The following SHTN1 variants were observed in gnomAD, a reference collection of about 807,000 sequenced individuals.
The protein encoded by SHTN1 is shootin 1, also known as shootin-1.
SHTN1 carries 42 observed loss-of-function variants against 83.1 expected under a neutral mutation model. The observed-to-expected ratio is 0.51, with a 90% CI of 0.39 to 0.65. SHTN1 has a LOEUF of 0.65. Among genes scored for constraint, SHTN1 ranks in the 30% least tolerant of loss-of-function variants. The pLI, the probability that SHTN1 is intolerant of heterozygous loss-of-function variation, is 0.00. For synonymous variants in SHTN1, 224 were observed against 247.7 expected (o/e 0.90, Z 0.90); for missense variants, 622 against 737.8 (o/e 0.84, Z 1.82).
At chr10:116,980,321 C>CT (rs554170276) in intron 1 of SHTN1, among the ~76,000 whole-genome samples, 191 of 152,202 alleles carry the variant, frequency 1.3e-3, no homozygotes, top group African/African-American at 4.4e-3. Context: ...GAGACAGGGT[C>CT]TTGTTCTGTC....
intron 8 of SHTN1, among the ~76,000 whole-genome samples, chr10:116,943,558 AAGTAATAAG>A (rs1249658055): frequency 6.6e-6 from 1 of 152,092 alleles, no homozygotes; most frequent in Non-Finnish European, 1.5e-5. Flanking sequence ...TCTTTCTTCC[AAGTAATAAG>A]AGAAAAATAT....
chr10:116,994,418 A>G (rs1851554615), intron 1 of SHTN1, among the ~76,000 whole-genome samples: 2 of 152,124 alleles, frequency 1.3e-5, no homozygotes, highest in Admixed American at 1.3e-4. Context: ...ATATAAAACT[A>G]AAATTTGGTC....
chr10:116,881,548 A>T lies in SHTN1; in HGVS notation c.*4796T>A, dbSNP rs1174903921. 1.3e-6 allele frequency: 2 copies of T among 1,546,916 alleles called. No individual in the cohort carries two copies. The highest frequency in any genetic ancestry group is 2.0e-5 in the Admixed American group (1 of 49,938). Reference sequence around the variant, plus strand: ...GAAGAACACACTTTTTTTTACTTTAATGAGGAAGCTGAAAAGGCTGCGGAG... The same window carrying T: ...GAAGAACACACTTTTTTTTACTTTATTGAGGAAGCTGAAAAGGCTGCGGAG... On this transcript the variant is annotated 3_prime_UTR_variant, in exon 17 of 17. Transcript: ENST00000355371.
chr10:117,071,096 T>A (rs1435402145), intron 1 of SHTN1, among the ~76,000 whole-genome samples: 3 of 152,200 alleles, frequency 2.0e-5, no homozygotes, highest in Non-Finnish European at 4.4e-5. Flanking sequence ...GCAATTATCT[T>A]ACATGAATAA....
At position 116,983,686 on chromosome 10, in the gene SHTN1, A is replaced by AC. The variant is rs1851123903; in HGVS notation, c.59-4379_59-4378insG. On this transcript the variant is annotated intron_variant, in intron 1 of 16. Coordinates refer to ENST00000355371, the MANE Select transcript of SHTN1 (RefSeq NM_001127211.3). ...TAGATAGATAGATAGATAGATAGATAAATACATACATACATACATACATAC... is the reference window on the plus strand; with the variant it reads ...TAGATAGATAGATAGATAGATAGATACAATACATACATACATACATACATAC... Among the ~76,000 whole-genome samples the AC allele has an allele frequency of 2.0e-3, 26 of 13,234 alleles. No individual in the cohort carries two copies. The South Asian group carries it at 0.026, about 13-fold the overall frequency. 8.7% of individuals were successfully genotyped at this position (13,234 alleles called of 152,430 possible).
intron 1 of SHTN1, among the ~76,000 whole-genome samples, chr10:117,075,392 C>G (rs542379675): frequency 6.6e-6 from 1 of 152,186 alleles, no homozygotes; most frequent in Non-Finnish European, 1.5e-5. Flanking sequence ...ATGGAAATCA[C>G]AAGATCCTTC....
At chr10:116,957,419 A>C (rs905664358) in intron 4 of SHTN1, among the ~76,000 whole-genome samples, 1 of 151,694 alleles carries the variant, frequency 6.6e-6, no homozygotes, top group Non-Finnish European at 1.5e-5. Context: ...ACGCCCAGCT[A>C]AGCTTTGCAT....
chr10:116,952,097 G>C, intron 5 of SHTN1, 91 bp from the exon 6 acceptor site: 1 of 556,638 alleles, frequency 1.8e-6, no homozygotes. Context: ...GCCAGTCCAT[G>C]TGCAGCTTAT....
At chr10:117,057,862 A>G (rs1047958472) in intron 1 of SHTN1, among the ~76,000 whole-genome samples, 3 of 152,232 alleles carry the variant, frequency 2.0e-5, no homozygotes, top group South Asian at 2.1e-4. Flanking sequence ...TCAACAAAAC[A>G]TCACAAGACG....
intron 1 of SHTN1, among the ~76,000 whole-genome samples, chr10:117,067,081 G>A (rs925161669): frequency 1.3e-5 from 2 of 152,216 alleles, no homozygotes; most frequent in Non-Finnish European, 2.9e-5. Context: ...CTGCCTAGAA[G>A]GGGCAACATA....
chr10:117,100,049 T>A (rs952960770), intron 1 of SHTN1, among the ~76,000 whole-genome samples: 6 of 152,088 alleles, frequency 3.9e-5, no homozygotes, highest in Admixed American at 6.6e-5. Flanking sequence ...TGGTGGTACA[T>A]GCCTGTAATC....
intron 2 of SHTN1, among the ~76,000 whole-genome samples, chr10:117,024,574 G>C (rs1011213513): frequency 1.3e-5 from 2 of 151,822 alleles, no homozygotes; most frequent in African/African-American, 4.8e-5. Context: ...TAGCCAGGAT[G>C]GTCTCGATCT....
At chr10:117,104,093 A>G (rs1162016156) in intron 1 of SHTN1, among the ~76,000 whole-genome samples, 3 of 152,122 alleles carry the variant, frequency 2.0e-5, no homozygotes, top group African/African-American at 7.2e-5. Context: ...GAGGAGTCAA[A>G]TACATGTTTA....
At chr10:117,050,485 C>CA (rs1253085151) in intron 1 of SHTN1, among the ~76,000 whole-genome samples, 1 of 151,806 alleles carries the variant, frequency 6.6e-6, no homozygotes, top group Non-Finnish European at 1.5e-5. Flanking sequence ...CCTACATTAG[C>CA]AAAAAATCTT....
intron 1 of SHTN1, among the ~76,000 whole-genome samples, chr10:117,092,343 G>A (rs1453575442): frequency 2.0e-5 from 3 of 152,164 alleles, no homozygotes; most frequent in Admixed American, 1.3e-4. Context: ...AAACTCTCTT[G>A]CTGCTGCATA....
intron 12 of SHTN1, among the ~76,000 whole-genome samples, chr10:116,917,672 A>T (rs1434424970): frequency 6.6e-6 from 1 of 152,234 alleles, no homozygotes; most frequent in African/African-American, 2.4e-5. Flanking sequence ...AGGCAGACAG[A>T]TGGAGAATTA....
rs1042496287 is a variant in SHTN1 at position 116,882,079 on chromosome 10, A to G, written c.*4265T>C. 1 of 155,400 alleles carries G rather than the reference A, an allele frequency of 6.4e-6. No homozygotes were observed. The highest frequency in any genetic ancestry group is 2.4e-5 in the African/African-American group (1 of 41,578). The allele number at this position is 155,400 out of a possible 1,614,324, so 9.6% of individuals were successfully genotyped here. On this transcript the variant is annotated 3_prime_UTR_variant, in exon 17 of 17. Transcript: ENST00000355371. ...GAACAGATGTCCATCTTCTGTGTTT[A>G]TTCTACATGTCTGTGCTGAAAAGCA...
At chr10:116,991,110 C>G (rs1026088498) in intron 1 of SHTN1, among the ~76,000 whole-genome samples, 2 of 151,882 alleles carry the variant, frequency 1.3e-5, no homozygotes, top group Non-Finnish European at 2.9e-5. Flanking sequence ...CGCTTGAACC[C>G]GGGAGGCGGA....
intron 10 of SHTN1, among the ~76,000 whole-genome samples, chr10:116,929,125 G>T (rs1285736280): frequency 6.6e-6 from 1 of 152,114 alleles, no homozygotes; most frequent in East Asian, 1.9e-4. Flanking sequence ...TTCTGCATAG[G>T]TTTCAAAATT....
Sources: gnomAD v4.1 joint callset for allele counts (sites outside exome capture counted in the v4.1 genomes callset) on GRCh38, gnomAD v4.1.1 for gene constraint, MANE v1.5 for transcripts, NCBI Gene and HGNC (gene_info 2026-07-23, HGNC 2026-07-21) for gene names.